Variants in PARN observed in about 807,000 individuals in gnomAD.
The protein encoded by PARN is poly(A)-specific ribonuclease PARN.
Under a neutral mutation model 102.8 loss-of-function variants are expected in PARN, and 71 were observed. That is an observed-to-expected ratio of 0.69 (90% CI 0.57 to 0.84). The LOEUF (loss-of-function observed/expected upper bound fraction) is 0.84. Ranked by LOEUF, PARN falls within the 40% of genes least tolerant of loss-of-function variation. The probability of loss-of-function intolerance (pLI) is 0.00; values close to 1 mark genes in which losing one functional copy is unlikely to be tolerated. For synonymous variants in PARN, 261 were observed against 252.9 expected, an observed-to-expected ratio of 1.03 and a Z score of -0.30; for missense variants, 782 against 760.9, an observed-to-expected ratio of 1.03 and a Z score of -0.33.
At chr16:14,541,990 G>C (rs1273797207) in intron 21 of PARN, among the ~76,000 whole-genome samples, 2 of 151,706 alleles carry the variant, frequency 1.3e-5, no homozygotes, top group African/African-American at 2.4e-5. Flanking sequence ...AGATGATGCA[G>C]ATGTTGGAAT....
At chr16:14,516,225 G>C (rs1033695543) in intron 21 of PARN, among the ~76,000 whole-genome samples, 6 of 151,866 alleles carry the variant, frequency 4.0e-5, no homozygotes, top group African/African-American at 1.4e-4. Flanking sequence ...AAAATGACTT[G>C]AAAGAAAGTG....
At chr16:14,624,953 C>T (rs553035360) in intron 5 of PARN, among the ~76,000 whole-genome samples, 2 of 151,772 alleles carry the variant, frequency 1.3e-5, no homozygotes, top group African/African-American at 2.4e-5. Context: ...AGGAGGCTGA[C>T]GCAGGAGAAT....
intron 18 of PARN, among the ~76,000 whole-genome samples, chr16:14,556,405 C>G (rs955736714): frequency 6.6e-6 from 1 of 152,144 alleles, no homozygotes; most frequent in African/African-American, 2.4e-5. Context: ...AGTGATCCAC[C>G]TGCCTCAGCC....
In PARN at chr16:14,629,588, G is replaced by GCC; in HGVS notation, c.97+8_97+9insGG. 6 of 1,602,380 alleles carry GCC rather than the reference G, an allele frequency of 3.7e-6. No homozygotes were observed. Among genetic ancestry groups the GCC allele is most frequent in the Non-Finnish European group, 5.1e-6 (6 of 1,169,248 alleles). On this transcript the variant is annotated intron_variant, in intron 2 of 23. Transcript: ENST00000437198. ...AAAGTGCTAGCCTGAGCTTGCAAGG[G>GCC]AGGGATACCTGAAAACTCCCCATCG...
intron 21 of PARN, among the ~76,000 whole-genome samples, chr16:14,525,378 G>A (rs960365478): frequency 6.6e-6 from 1 of 152,160 alleles, no homozygotes; most frequent in African/African-American, 2.4e-5. Context: ...CCTCAATGCA[G>A]CGGTCACAGA....
intron 22 of PARN, among the ~76,000 whole-genome samples, chr16:14,464,867 G>C (rs1283258531): frequency 3.9e-5 from 6 of 152,074 alleles, no homozygotes; most frequent in Non-Finnish European, 7.4e-5. Flanking sequence ...GACCAGTCTG[G>C]GCAACATAGT....
chr16:14,470,410 A>C (rs1467278072), intron 22 of PARN, among the ~76,000 whole-genome samples: 1 of 150,202 alleles, frequency 6.7e-6, no homozygotes, highest in Admixed American at 6.6e-5. Flanking sequence ...AAATTTAAAA[A>C]AACTATAGAA....
chr16:14,542,885 G>A (rs1966850228), intron 21 of PARN, among the ~76,000 whole-genome samples: 1 of 152,128 alleles, frequency 6.6e-6, no homozygotes. Context: ...CAGAGGAGAA[G>A]AAAGAGAATA....
In PARN at chr16:14,475,335, CCTATTAGTGAGAT is replaced by C. The variant is rs545808581; in HGVS notation, c.1670+7290_1670+7302del. The stretch of plus-strand genomic sequence containing the variant: ...GGTGTTGGCTTATGGGGACTGAGTA[CCTATTAGTGAGAT>C]CTTACATGTTTCAGCATCCACTGTA... On this transcript the variant is annotated intron_variant, in intron 22 of 23. Coordinates refer to ENST00000437198, the MANE Select transcript of PARN (RefSeq NM_002582.4). Among the ~76,000 whole-genome samples the C allele has an allele frequency of 3.3e-3, 500 of 152,246 alleles. 4 individuals carry two copies. Among genetic ancestry groups the C allele is most frequent in the South Asian group, 7.0e-3 (34 of 4,824 alleles).
intron 21 of PARN, among the ~76,000 whole-genome samples, chr16:14,502,855 CAATT>C (rs764778298): frequency 6.6e-6 from 1 of 152,168 alleles, no homozygotes. Flanking sequence ...CCTGGGCTTG[CAATT>C]ACTACAAGCC....
At chr16:14,471,706 T>C (rs1962754162) in intron 22 of PARN, among the ~76,000 whole-genome samples, 1 of 152,216 alleles carries the variant, frequency 6.6e-6, no homozygotes, top group Non-Finnish European at 1.5e-5. Flanking sequence ...TTTCTGTCTC[T>C]ATGAATCTGA....
At chr16:14,547,891 C>T (rs1967056539) in intron 21 of PARN, among the ~76,000 whole-genome samples, 1 of 152,046 alleles carries the variant, frequency 6.6e-6, no homozygotes, top group Non-Finnish European at 1.5e-5. Context: ...CTCAATGTTA[C>T]ATTATTGACC....
intron 21 of PARN, among the ~76,000 whole-genome samples, chr16:14,538,450 C>T (rs1966708737): frequency 6.6e-6 from 1 of 151,840 alleles, no homozygotes; most frequent in African/African-American, 2.4e-5. Context: ...AAACTCCTGG[C>T]ATCAAGTGAT....
intron 21 of PARN, among the ~76,000 whole-genome samples, chr16:14,547,697 G>A (rs1456480834): frequency 2.6e-5 from 4 of 151,468 alleles, no homozygotes; most frequent in Admixed American, 1.3e-4. Context: ...GCAACAGAGT[G>A]AAACCCAGTC....
intron 23 of PARN, among the ~76,000 whole-genome samples, chr16:14,441,843 C>T (rs1375625318): frequency 2.0e-5 from 3 of 152,158 alleles, no homozygotes; most frequent in Non-Finnish European, 4.4e-5. Context: ...TTTAAGGAGA[C>T]CAGTAACAGC....
intron 21 of PARN, among the ~76,000 whole-genome samples, chr16:14,515,516 G>C (rs569981140): frequency 4.6e-5 from 7 of 152,092 alleles, no homozygotes; most frequent in Non-Finnish European, 8.8e-5. Context: ...ATCCCATAAA[G>C]CAGTGGCAGA....
Position 14,450,908 on chromosome 16 carries a change from GA to G in PARN, c.1671-3828del, listed in dbSNP as rs549641367. Among the ~76,000 whole-genome samples the G allele has an allele frequency of 4.5e-3, 653 of 146,708 alleles. 3 individuals carry two copies. Among genetic ancestry groups the G allele is most frequent in the Non-Finnish European group, 5.8e-3 (387 of 66,506 alleles). Reference sequence around the variant, plus strand: ...GGGCAGTAATAAATTCTGAATCATTGAAAAAAAAAATAGCAATCCATGAGTC... The same window carrying G: ...GGGCAGTAATAAATTCTGAATCATTGAAAAAAAAATAGCAATCCATGAGTC... On this transcript the variant is annotated intron_variant, in intron 22 of 23. Coordinates refer to ENST00000437198, the MANE Select transcript of PARN (RefSeq NM_002582.4).
intron 21 of PARN, among the ~76,000 whole-genome samples, chr16:14,492,364 C>T (rs993886575): frequency 1.3e-5 from 2 of 152,142 alleles, no homozygotes; most frequent in South Asian, 4.1e-4. Context: ...GAGGGCTATG[C>T]TTACAGAGAC....
chr16:14,595,157 A>T (rs562515291), intron 12 of PARN, among the ~76,000 whole-genome samples: 159 of 152,370 alleles, frequency 1.0e-3, no homozygotes, highest in Middle Eastern at 3.4e-3. Flanking sequence ...GGTATGGGTT[A>T]GTAGCTCTGA....
Sources: allele counts gnomAD v4.1 joint callset (sites outside exome capture counted in the v4.1 genomes callset), GRCh38; gene constraint gnomAD v4.1.1; transcripts MANE v1.5; gene names NCBI Gene and HGNC (gene_info 2026-07-23, HGNC 2026-07-21).